The following CCSER1 variants were observed in gnomAD, a reference collection of about 807,000 sequenced individuals.
CCSER1 encodes the protein serine-rich coiled-coil domain-containing protein 1.
In CCSER1, 41 loss-of-function variants were observed where a neutral mutation model predicts 82.0. The observed-to-expected ratio is 0.50, with a 90% confidence interval of 0.39 to 0.65. The LOEUF is 0.65. Among genes scored for constraint, CCSER1 ranks in the 30% least tolerant of loss-of-function variants. The pLI is 0.00. For missense variants in CCSER1, 1,119 were observed against 1,064.2 expected (o/e 1.05, Z -0.72); for synonymous variants, 414 against 383.9 (o/e 1.08, Z -0.92).
At chr4:91,535,159 A>G (rs1181011340) in intron 10 of CCSER1, among the ~76,000 whole-genome samples, 1 of 152,022 alleles carries the variant, frequency 6.6e-6, no homozygotes, top group Non-Finnish European at 1.5e-5. Flanking sequence ...ACTAATTTAT[A>G]ACCAAAACAA....
At chr4:91,124,487 G>A (rs2148896702) in intron 10 of CCSER1, among the ~76,000 whole-genome samples, 1 of 151,826 alleles carries the variant, frequency 6.6e-6, no homozygotes, top group East Asian at 1.9e-4. Context: ...CTCTGAGGAA[G>A]ACAGGACTTG....
At chr4:91,042,362 C>T (rs1251268631) in intron 9 of CCSER1, among the ~76,000 whole-genome samples, 2 of 152,152 alleles carry the variant, frequency 1.3e-5, no homozygotes, top group Non-Finnish European at 2.9e-5. Flanking sequence ...CCTCCCCAGC[C>T]ATTCGGAGTT....
At chr4:91,083,170 A>G (rs1308210107) in intron 9 of CCSER1, among the ~76,000 whole-genome samples, 1 of 152,246 alleles carries the variant, frequency 6.6e-6, no homozygotes, top group South Asian at 2.1e-4. Flanking sequence ...CCAAATGTCC[A>G]TCAATGATAG....
chr4:90,785,087 A>T (rs567507846), intron 7 of CCSER1, among the ~76,000 whole-genome samples: 1 of 152,148 alleles, frequency 6.6e-6, no homozygotes, highest in African/African-American at 2.4e-5. Context: ...TTTGAGATGG[A>T]GTGCAGTGGC....
chr4:90,606,683 A>G (rs1784756789), intron 5 of CCSER1, among the ~76,000 whole-genome samples: 1 of 152,296 alleles, frequency 6.6e-6, no homozygotes, highest in South Asian at 2.1e-4. Flanking sequence ...TGGCATGGAT[A>G]TGCAGGAAAA....
intron 1 of CCSER1, among the ~76,000 whole-genome samples, chr4:90,306,643 T>C (rs941300474): frequency 3.3e-5 from 5 of 152,212 alleles, no homozygotes; most frequent in African/African-American, 1.2e-4. Context: ...ACATACTTGT[T>C]CAAGGAAATG....
chr4:91,026,049 C>A (rs942992153), intron 9 of CCSER1, among the ~76,000 whole-genome samples: 3 of 152,056 alleles, frequency 2.0e-5, no homozygotes, highest in Admixed American at 6.6e-5. Flanking sequence ...TTGTTAGTAT[C>A]CTGTAAATTG....
rs181135321 is a variant in CCSER1 at position 90,850,060 on chromosome 4, G to A, written c.2094+34215G>A. 3.7e-4 allele frequency among the ~76,000 whole-genome samples: 57 copies of A among 152,264 alleles called. 1 individual carries two copies. The highest frequency in any genetic ancestry group is 1.2e-3 in the Admixed American group (19 of 15,302). On this transcript the variant is annotated intron_variant, in intron 8 of 10. Coordinates refer to ENST00000509176, the MANE Select transcript of CCSER1 (RefSeq NM_001145065.2). ...CATCCCAGCTGCCTCAGCTCTAGCC[G>A]TGGCTAAAAGGGGCCAAGGTACTCC...
At chr4:90,159,119 A>G (rs905280118) in intron 1 of CCSER1, among the ~76,000 whole-genome samples, 8 of 152,070 alleles carry the variant, frequency 5.3e-5, no homozygotes, top group Admixed American at 1.3e-4. Context: ...CTGCAGCCTC[A>G]AACTCCTGAG....
intron 5 of CCSER1, among the ~76,000 whole-genome samples, chr4:90,598,336 G>A (rs1391191208): frequency 1.3e-5 from 2 of 152,084 alleles, no homozygotes; most frequent in Admixed American, 6.6e-5. Context: ...TGTTACGTAT[G>A]TATACATGTG....
chr4:90,402,558 T>A (rs901665241), intron 4 of CCSER1, among the ~76,000 whole-genome samples: 7 of 152,132 alleles, frequency 4.6e-5, no homozygotes, highest in African/African-American at 1.7e-4. Context: ...TTGCATGGGG[T>A]GAAAAGTTCA....
chr4:91,486,603 T>C (rs939765345), intron 10 of CCSER1, among the ~76,000 whole-genome samples: 8 of 152,070 alleles, frequency 5.3e-5, no homozygotes, highest in Admixed American at 2.6e-4. Flanking sequence ...CTAAAGTATT[T>C]TGAAAAATAA....
At chr4:90,579,469 A>G (rs528009019) in intron 5 of CCSER1, among the ~76,000 whole-genome samples, 1 of 152,308 alleles carries the variant, frequency 6.6e-6, no homozygotes, top group Admixed American at 6.5e-5. Context: ...GGGATTCTTG[A>G]TCTCATTAAT....
At chr4:91,168,895 C>A (rs1732457215) in intron 10 of CCSER1, among the ~76,000 whole-genome samples, 1 of 152,024 alleles carries the variant, frequency 6.6e-6, no homozygotes, top group African/African-American at 2.4e-5. Flanking sequence ...AATCTATAAC[C>A]TTACCCCCAA....
chr4:90,194,716 T>C (rs1260715322), intron 1 of CCSER1, among the ~76,000 whole-genome samples: 2 of 152,042 alleles, frequency 1.3e-5, no homozygotes, highest in Admixed American at 6.6e-5. Context: ...CCCAAGTTGA[T>C]AGATTGTTTA....
intron 5 of CCSER1, among the ~76,000 whole-genome samples, chr4:90,544,688 G>T (rs1324610142): frequency 6.6e-6 from 1 of 151,924 alleles, no homozygotes; most frequent in Non-Finnish European, 1.5e-5. Flanking sequence ...AATGACATCT[G>T]GTGTGACATT....
At chr4:91,175,249 T>A (rs1733206423) in intron 10 of CCSER1, among the ~76,000 whole-genome samples, 1 of 152,170 alleles carries the variant, frequency 6.6e-6, no homozygotes, top group Non-Finnish European at 1.5e-5. Flanking sequence ...TGGTTCCAGG[T>A]CTTTGCTATT....
intron 5 of CCSER1, among the ~76,000 whole-genome samples, chr4:90,566,005 A>G (rs1209326946): frequency 6.7e-6 from 1 of 150,032 alleles, no homozygotes. Context: ...CTACAGGCAC[A>G]TGCCACCACG....
chr4:90,621,882 C>T (rs72659502), intron 5 of CCSER1, among the ~76,000 whole-genome samples: 7 of 152,274 alleles, frequency 4.6e-5, no homozygotes, highest in South Asian at 2.1e-4. Context: ...TCTGCATAGG[C>T]GTAAAAATTG....
Sources: allele counts gnomAD v4.1 joint callset (sites outside exome capture counted in the v4.1 genomes callset), GRCh38; gene constraint gnomAD v4.1.1; transcripts MANE v1.5; gene names NCBI Gene and HGNC (gene_info 2026-07-23, HGNC 2026-07-21).